The following FGD5 variants were observed in gnomAD, a reference collection of about 807,000 sequenced individuals.
FGD5 encodes the protein FYVE, RhoGEF and PH domain containing 5.
A neutral mutation model predicts 133.4 loss-of-function variants in FGD5; 28 were observed. That is an observed-to-expected ratio of 0.21 (90% CI 0.16 to 0.29). FGD5 has a LOEUF of 0.29. Among genes scored for constraint, FGD5 ranks in the 10% least tolerant of loss-of-function variants. FGD5 has a pLI of 1.00. For synonymous variants in FGD5, 810 were observed against 776.5 expected, an observed-to-expected ratio of 1.04 and a Z score of -0.72; for missense variants, 1,858 against 1,895.2, an observed-to-expected ratio of 0.98 and a Z score of 0.36.
intron 1 of FGD5, among the ~76,000 whole-genome samples, chr3:14,832,530 C>T (rs1484660310): frequency 6.6e-6 from 1 of 152,164 alleles, no homozygotes; most frequent in Non-Finnish European, 1.5e-5. Flanking sequence ...TCTTTATGTG[C>T]CTCATTGTGT....
chr3:14,874,217 A>G (rs1024576404), intron 2 of FGD5, among the ~76,000 whole-genome samples: 4 of 152,060 alleles, frequency 2.6e-5, no homozygotes, highest in Middle Eastern at 3.2e-3. Context: ...GTGCACTTAC[A>G]TGAGGTGTCT....
At chr3:14,871,310 T>C (rs773493061) in intron 2 of FGD5, among the ~76,000 whole-genome samples, 1 of 152,234 alleles carries the variant, frequency 6.6e-6, no homozygotes, top group Non-Finnish European at 1.5e-5. Flanking sequence ...ATATAGTCAA[T>C]GAATATCTTC....
intron 1 of FGD5, among the ~76,000 whole-genome samples, chr3:14,842,120 C>T (rs1004553967): frequency 1.5e-4 from 23 of 152,358 alleles, no homozygotes; most frequent in Non-Finnish European, 2.5e-4. Flanking sequence ...AACTCAGTGG[C>T]GTTCACAGCC....
At chr3:14,822,129 A>T (rs73028182) in intron 1 of FGD5, among the ~76,000 whole-genome samples, 7 of 152,054 alleles carry the variant, frequency 4.6e-5, no homozygotes, top group Non-Finnish European at 1.0e-4. Flanking sequence ...AAAGAAAAAG[A>T]AAAAAGAAAA....
rs1420330513 is a variant in FGD5, at chr3:14,924,132, G to C, written c.4062G>C (p.Leu1354=). 2 of 1,613,928 alleles carry C rather than the reference G, an allele frequency of 1.2e-6. No individual in the cohort carries two copies. The highest frequency in any genetic ancestry group is 2.2e-5 in the South Asian group (2 of 91,074). The part of the protein sequence containing the change: ...FKKQKKVPSA[L]TEVAASGEGS... ...AGCAGAAGAAAGTCCCTTCAGCCCT[G>C]ACAGAGGTAAAGCAGGCAGGGCTAC... The change falls in exon 17 of 20, where the codon CTG becomes CTC. Residue 1354 remains leucine (L), a synonymous_variant. Transcript: ENST00000285046.
intron 10 of FGD5, 59 bp from the exon 11 acceptor site, chr3:14,910,802 C>A: frequency 1.3e-6 from 2 of 1,534,666 alleles, no homozygotes; most frequent in Admixed American, 1.8e-5. Context: ...CCCCTGCACC[C>A]TTGTCTGGGA....
chr3:14,887,964 G>C (rs2037955268), intron 4 of FGD5, among the ~76,000 whole-genome samples: 1 of 151,412 alleles, frequency 6.6e-6, no homozygotes, highest in South Asian at 2.1e-4. Flanking sequence ...CCAGGAGTTT[G>C]AGACCAGCCT....
chr3:14,818,829 G>C, upstream of FGD5: 1 of 1,008,146 alleles, frequency 9.9e-7, no homozygotes, highest in Non-Finnish European at 1.3e-6. Flanking sequence ...GACAAAGCAC[G>C]GGAGGTGGGC....
At chr3:14,912,313 C>T (rs1306500382) in intron 11 of FGD5, among the ~76,000 whole-genome samples, 1 of 152,166 alleles carries the variant, frequency 6.6e-6, no homozygotes, top group African/African-American at 2.4e-5. Context: ...TCCAGAGTCT[C>T]CCTCCCTTCC....
At chr3:14,829,899 C>G (rs1469462707) in intron 1 of FGD5, among the ~76,000 whole-genome samples, 5 of 152,094 alleles carry the variant, frequency 3.3e-5, no homozygotes, top group Non-Finnish European at 7.4e-5. Flanking sequence ...TGAAACCTGA[C>G]TTTTATGTAT....
At chr3:14,857,238 C>T (rs192583553) in intron 1 of FGD5, among the ~76,000 whole-genome samples, 1 of 151,878 alleles carries the variant, frequency 6.6e-6, no homozygotes, top group Non-Finnish European at 1.5e-5. Context: ...CAGCCTCCAC[C>T]CCCCCAGGCT....
chr3:14,914,290 TG>T (rs2038509070), intron 11 of FGD5, among the ~76,000 whole-genome samples: 3 of 152,208 alleles, frequency 2.0e-5, no homozygotes. Flanking sequence ...CCAGCAGTGT[TG>T]TTAGACTGCG....
rs769810578 is a variant in FGD5 at position 14,918,808 on chromosome 3, G to C, written c.3544G>C (p.Glu1182Gln). 21 of 1,613,864 alleles carry C rather than the reference G, an allele frequency of 1.3e-5. No individual in the cohort carries two copies. Among genetic ancestry groups the C allele is most frequent in the Non-Finnish European group, 1.7e-5 (20 of 1,179,892 alleles). Residue 1182 changes from glutamate to glutamine, a missense_variant, in exon 13 of 20, where the codon GAG (glutamate) becomes CAG (glutamine). Physicochemically the swap from Glu to Gln is conservative, Grantham distance 29. Coordinates refer to ENST00000285046, the MANE Select transcript of FGD5 (RefSeq NM_152536.4). ...CTACGCTCTAAAGATTGAGACTTCC[G>C]AGTCCTGCCTGATGCTGTCTGCGAG... ...VPYALKIETS[E>Q]SCLMLSASSC...
At chr3:14,841,397 T>G (rs558225304) in intron 1 of FGD5, among the ~76,000 whole-genome samples, 17 of 152,188 alleles carry the variant, frequency 1.1e-4, no homozygotes, top group South Asian at 1.0e-3. Flanking sequence ...GGCATGTGCT[T>G]AGGAACATGG....
rs1193473779 is a variant in FGD5, at chr3:14,922,496, G to A, written c.3755G>A (p.Gly1252Asp). 2 of 1,582,650 alleles carry A rather than the reference G, an allele frequency of 1.3e-6. No homozygotes were observed. The highest frequency in any genetic ancestry group is 1.7e-6 in the Non-Finnish European group (2 of 1,164,420). The change falls in exon 15 of 20, where the codon GGC becomes GAC. Residue 1252 changes from glycine to aspartate, a missense_variant. By Grantham distance (94) the Gly-to-Asp change is moderately conservative. Around this residue, in one of 3 missense-constraint regions of FGD5, gnomAD observed 1,824 missense variants for 1,848.9 expected, o/e 0.99. Coordinates refer to ENST00000285046, the MANE Select transcript of FGD5 (RefSeq NM_152536.4). This position sits in a 1 kb window ranked among gnomAD's most constrained non-coding sequence, Gnocchi z 4.1. ...VTHVMMCMNC[G>D]CDFSLTLRRH... is the part of the protein sequence containing the mutation. Reference sequence around the variant, plus strand: ...CACGTCATGATGTGCATGAACTGCGGCTGCGACTTCTCCCTCACCCTGCGG... The same window carrying A: ...CACGTCATGATGTGCATGAACTGCGACTGCGACTTCTCCCTCACCCTGCGG...
chr3:14,932,842 C>A, intron 19 of FGD5, 111 bp downstream of exon 19: 3 of 1,278,466 alleles, frequency 2.3e-6, no homozygotes, highest in Non-Finnish European at 3.3e-6. Flanking sequence ...CCCATTAGGT[C>A]CCTTTGGGCC....
Position 14,923,420 on chromosome 3 carries a change from G to A in FGD5, c.3937+245G>A, listed in dbSNP as rs9817161. On this transcript the variant is annotated intron_variant, in intron 16 of 19. Transcript: ENST00000285046. ...GCTAAGCTTAGGAATCAGTGTGTGT[G>A]TAAGGGGACAGAGGCAGGGAGCTCC... The A allele has an allele frequency of 8.2e-3, 4,434 of 539,600 alleles. 152 individuals carry two copies. Among genetic ancestry groups the A allele is most frequent in the African/African-American group, 0.071 (3,740 of 52,738 alleles). 33.4% of individuals were successfully genotyped at this position (539,600 alleles called of 1,614,324 possible).
At chr3:14,854,679 C>T (rs1037678809) in intron 1 of FGD5, among the ~76,000 whole-genome samples, 1 of 152,082 alleles carries the variant, frequency 6.6e-6, no homozygotes, top group Non-Finnish European at 1.5e-5. Flanking sequence ...CTCAGCCTTC[C>T]AAAGTGCTGG....
rs2125083476 is a variant in FGD5 at position 14,838,931 on chromosome 3, A to G, written c.2525+17335A>G. On this transcript the variant is annotated intron_variant, in intron 1 of 19. Coordinates refer to ENST00000285046, the MANE Select transcript of FGD5 (RefSeq NM_152536.4). ...TTACCTCTGTGGGCATTCACTGGCT[A>G]CAAGTCCACCTGTTATATTCTGGCC... Among the ~76,000 whole-genome samples, 4 of 152,326 alleles carry G rather than the reference A, an allele frequency of 2.6e-5. No individual in the cohort carries two copies. In the South Asian group the frequency reaches 8.3e-4, roughly 32 times the overall value.
Sources: gnomAD v4.1 joint callset for allele counts (sites outside exome capture counted in the v4.1 genomes callset) on GRCh38, gnomAD v4.1.1 for gene constraint, gnomAD v4.1.1 regional missense constraint, Gnocchi (gnomAD v3.1) non-coding constraint, MANE v1.5 for transcripts, NCBI Gene and HGNC (gene_info 2026-07-23, HGNC 2026-07-21) for gene names.